Variants in MTUS1 observed in about 807,000 individuals in gnomAD.
MTUS1 encodes microtubule associated scaffold protein 1.
In MTUS1, 109 loss-of-function variants were observed where a neutral mutation model predicts 120.8. That is an observed-to-expected ratio of 0.90 (90% confidence interval 0.77 to 1.06). The LOEUF (loss-of-function observed/expected upper bound fraction) is 1.06, where lower values mean the gene tolerates loss of function less well. Ranked by LOEUF, MTUS1 falls within the 50% of genes least tolerant of loss-of-function variation. MTUS1 has a pLI of 0.00. For missense variants in MTUS1, 2,210 were observed against 1,486.3 expected (o/e 1.49, Z -8.01); for synonymous variants, 737 against 550.5 (o/e 1.34, Z -4.74).
At chr8:17,680,472 A>ATT (rs1563190412) in intron 7 of MTUS1, among the ~76,000 whole-genome samples, 30 of 54,176 alleles carry the variant, frequency 5.5e-4, no homozygotes, top group Admixed American at 3.1e-3. Flanking sequence ...CGCAAAAAAA[A>ATT]AAAAAAAAAA....
intron 1 of MTUS1, among the ~76,000 whole-genome samples, chr8:17,756,679 C>CCA (rs1554526184): frequency 8.1e-6 from 1 of 123,452 alleles, no homozygotes; most frequent in Non-Finnish European, 1.7e-5. Context: ...AAACCCCCAC[C>CCA]CCTTATGTAA....
chr8:17,674,864 GA>G (rs1415962404), intron 8 of MTUS1: 39 of 1,118,402 alleles, frequency 3.5e-5, no homozygotes, highest in Admixed American at 1.4e-4. Context: ...AAGTGCTTCA[GA>G]AAAAAAAATG....
At chr8:17,787,311 G>A (rs1275418179) in intron 1 of MTUS1, among the ~76,000 whole-genome samples, 1 of 152,174 alleles carries the variant, frequency 6.6e-6, no homozygotes, top group Admixed American at 6.5e-5. Context: ...AGTCCCATGT[G>A]ACAGACAGGT....
At chr8:17,800,808 T>A (rs1319787160) in intron 1 of MTUS1, 1 of 151,908 alleles carries the variant, frequency 6.6e-6, no homozygotes, top group Non-Finnish European at 1.5e-5. Flanking sequence ...GTCAAGCCCC[T>A]CGGTCACTTT....
intron 3 of MTUS1, among the ~76,000 whole-genome samples, chr8:17,730,022 C>G (rs982934002): frequency 7.2e-6 from 1 of 138,360 alleles, no homozygotes; most frequent in Admixed American, 7.2e-5. Flanking sequence ...AAAAAATTAA[C>G]AAGTGTTGGC....
At chr8:17,730,784 C>T (rs998015164) in intron 3 of MTUS1, among the ~76,000 whole-genome samples, 2 of 152,032 alleles carry the variant, frequency 1.3e-5, no homozygotes, top group African/African-American at 2.4e-5. Flanking sequence ...TGCATATAGA[C>T]AGAACATAGA....
chr8:17,708,458 A>T (rs57348658), intron 6 of MTUS1, among the ~76,000 whole-genome samples: 1 of 152,112 alleles, frequency 6.6e-6, no homozygotes, highest in South Asian at 2.1e-4. Context: ...CCAAGTGTTG[A>T]CAAGGCTGTG....
rs1563337359 is a variant in MTUS1 at position 17,756,695 on chromosome 8, T to C, written c.-154-734A>G. Among the ~76,000 whole-genome samples the C allele has an allele frequency of 3.6e-5, 4 of 112,226 alleles. No homozygotes were observed. In the South Asian group the frequency reaches 1.4e-3, roughly 41 times the overall value. 73.6% of individuals were successfully genotyped at this position (112,226 alleles called of 152,430 possible). A position where few individuals can be genotyped will look rare whatever the true frequency, so the allele number is the denominator to read the frequency against. The stretch of plus-strand genomic sequence containing the variant: ...AACCCCCACCCCTTATGTAACTATG[T>C]TGGAGACAGAGCCTTTAAGGAGGTG... On this transcript the variant is annotated intron_variant, in intron 1 of 14. Coordinates refer to ENST00000693296, the MANE Select transcript of MTUS1 (RefSeq NM_001363059.2).
At chr8:17,771,635 C>T (rs1215642467) in intron 1 of MTUS1, among the ~76,000 whole-genome samples, 1 of 152,190 alleles carries the variant, frequency 6.6e-6, no homozygotes, top group African/African-American at 2.4e-5. Flanking sequence ...ACCTGAAATG[C>T]ATGCCAAGAA....
chr8:17,742,857 T>G (rs1237339697), intron 3 of MTUS1, among the ~76,000 whole-genome samples: 1 of 152,186 alleles, frequency 6.6e-6, no homozygotes, highest in Admixed American at 6.5e-5. Flanking sequence ...ATAAGGGAAC[T>G]TACTACTAAA....
At position 17,661,774 on chromosome 8, in the gene MTUS1, A is replaced by G. The variant is rs181657044; in HGVS notation, c.2906-5709T>C. Among the ~76,000 whole-genome samples the G allele has an allele frequency of 7.1e-3, 1,074 of 152,274 alleles. 3 individuals carry two copies. Among genetic ancestry groups the G allele is most frequent in the Non-Finnish European group, 0.011 (762 of 68,020 alleles). Reference sequence around the variant, plus strand: ...CAGGAGGTTCACTGCTGTTATTGTAATAGTCCAAAGCAGCAGGCCCAGCCC... The same window carrying G: ...CAGGAGGTTCACTGCTGTTATTGTAGTAGTCCAAAGCAGCAGGCCCAGCCC... On this transcript the variant is annotated intron_variant, in intron 8 of 14. Coordinates refer to ENST00000693296, the MANE Select transcript of MTUS1 (RefSeq NM_001363059.2).
chr8:17,745,537 A>T (rs995596576), intron 2 of MTUS1, among the ~76,000 whole-genome samples: 9 of 152,184 alleles, frequency 5.9e-5, no homozygotes, highest in Non-Finnish European at 1.0e-4. Context: ...ACTGTATTCA[A>T]TTTTCATTTT....
intron 8 of MTUS1, among the ~76,000 whole-genome samples, chr8:17,662,970 G>A (rs1191664572): frequency 6.6e-6 from 1 of 152,098 alleles, no homozygotes; most frequent in Non-Finnish European, 1.5e-5. Context: ...GAGATTAGAA[G>A]TCAGTATTTT....
At chr8:17,775,077 A>G (rs1478730989) in intron 1 of MTUS1, among the ~76,000 whole-genome samples, 1 of 151,220 alleles carries the variant, frequency 6.6e-6, no homozygotes, top group Non-Finnish European at 1.5e-5. Context: ...AGTCAATTCG[A>G]GGTTACCAGG....
intron 8 of MTUS1, among the ~76,000 whole-genome samples, chr8:17,665,610 C>A (rs1286585329): frequency 6.6e-6 from 1 of 152,162 alleles, no homozygotes; most frequent in African/African-American, 2.4e-5. Flanking sequence ...ATCTGTCCAC[C>A]TCAGCCTCCC....
At chr8:17,697,416 A>G in intron 6 of MTUS1, 2 of 1,611,792 alleles carry the variant, frequency 1.2e-6, no homozygotes, top group South Asian at 1.1e-5. Context: ...AGAAGAGGCA[A>G]TTTCCATGGA....
chr8:17,665,064 CTT>C (rs1810605779), intron 8 of MTUS1, among the ~76,000 whole-genome samples: 1 of 152,194 alleles, frequency 6.6e-6, no homozygotes, highest in Admixed American at 6.5e-5. Context: ...CAGAGTTACT[CTT>C]ATGCTTTGTA....
At chr8:17,763,712 A>C (rs1171657681) in intron 1 of MTUS1, among the ~76,000 whole-genome samples, 1 of 152,326 alleles carries the variant, frequency 6.6e-6, no homozygotes, top group Admixed American at 6.5e-5. Context: ...AAAGGGAAAC[A>C]CAAGTAACTG....
At chr8:17,725,387 G>A (rs1029074647) in intron 3 of MTUS1, among the ~76,000 whole-genome samples, 7 of 152,062 alleles carry the variant, frequency 4.6e-5, no homozygotes, top group South Asian at 2.1e-4. Context: ...CCCCTCCTTC[G>A]GCTCCAGCCT....
Sources: gnomAD v4.1 joint callset for allele counts (sites outside exome capture counted in the v4.1 genomes callset) on GRCh38, gnomAD v4.1.1 for gene constraint, MANE v1.5 for transcripts, NCBI Gene and HGNC (gene_info 2026-07-23, HGNC 2026-07-21) for gene names.